Variants in ATOX1 observed in about 807,000 individuals in gnomAD.
ATOX1 encodes the protein copper transport protein ATOX1.
In ATOX1, 4 loss-of-function variants were observed where a neutral mutation model predicts 7.3. The ratio of observed to expected loss-of-function variants is 0.55; its 90% CI spans 0.27 to 1.25. The LOEUF is 1.25. Among genes scored for constraint, ATOX1 ranks in the 50% most tolerant of loss-of-function variants. The pLI is 0.12. For synonymous variants in ATOX1, 25 were observed against 28.7 expected (o/e 0.87, Z 0.41); for missense variants, 68 against 81.6 (o/e 0.83, Z 0.64).
At chr5:151,758,488 A>G in intron 1 of ATOX1, 58 bp downstream of exon 1, 1 of 1,472,590 alleles carries the variant, frequency 6.8e-7, no homozygotes, top group Non-Finnish European at 9.0e-7. Context: ...GCGGCTGTGC[A>G]GCCGAGAAGC....
chr5:151,757,867 C>G lies in ATOX1; in HGVS notation c.6+679G>C, dbSNP rs1040227799. 1.2e-4 allele frequency among the ~76,000 whole-genome samples: 18 copies of G among 152,152 alleles called. 1 individual carries two copies. Among genetic ancestry groups the G allele is most frequent in the Admixed American group, 9.8e-4 (15 of 15,276 alleles). Reference sequence around the variant, plus strand: ...CAATTCTTTATATAAAAAACGAGGCCACGAGCAACAATATATGTGATAAGA... The same window carrying G: ...CAATTCTTTATATAAAAAACGAGGCGACGAGCAACAATATATGTGATAAGA... On this transcript the variant is annotated intron_variant, in intron 1 of 3. Coordinates refer to ENST00000313115, the MANE Select transcript of ATOX1 (RefSeq NM_004045.4).
chr5:151,752,889 T>C (rs574761390), intron 1 of ATOX1, among the ~76,000 whole-genome samples: 1 of 152,194 alleles, frequency 6.6e-6, no homozygotes, highest in African/African-American at 2.4e-5. Context: ...GCCTCAATGA[T>C]CTCTGCCTCT....
At chr5:151,747,983 T>G (rs1001523883) in intron 2 of ATOX1, among the ~76,000 whole-genome samples, 1 of 152,232 alleles carries the variant, frequency 6.6e-6, no homozygotes. Context: ...AGGATGCTTC[T>G]AATTTTTCAC....
rs745969332 is a variant in ATOX1 at position 151,751,133 on chromosome 5, G to A, written c.82+571C>T. Reference sequence around the variant, plus strand: ...GAGCCAGGCGTGGTGGTGCATGCCTGTAATCCCAGCTACTTGGAAGGCTGA... The same window carrying A: ...GAGCCAGGCGTGGTGGTGCATGCCTATAATCCCAGCTACTTGGAAGGCTGA... On this transcript the variant is annotated intron_variant, in intron 2 of 3. Transcript: ENST00000313115. Among the ~76,000 whole-genome samples, 4 of 152,018 alleles carry A rather than the reference G, an allele frequency of 2.6e-5. No homozygotes were observed. In the East Asian group the frequency reaches 5.9e-4, roughly 22 times the overall value.
intron 2 of ATOX1, among the ~76,000 whole-genome samples, chr5:151,747,640 G>A (rs891325943): frequency 4.6e-5 from 7 of 151,484 alleles, no homozygotes; most frequent in Non-Finnish European, 7.4e-5. Context: ...AGGCTGGAGT[G>A]CAGTGGCACA....
intron 1 of ATOX1, among the ~76,000 whole-genome samples, chr5:151,757,697 A>G (rs978874314): frequency 6.6e-6 from 1 of 152,194 alleles, no homozygotes; most frequent in African/African-American, 2.4e-5. Flanking sequence ...AGCCGGTGTG[A>G]CTGCTTTTGC....
chr5:151,754,851 G>A (rs1761993234), intron 1 of ATOX1, among the ~76,000 whole-genome samples: 1 of 151,772 alleles, frequency 6.6e-6, no homozygotes, highest in Non-Finnish European at 1.5e-5. Flanking sequence ...GGTAGTGGTG[G>A]CATGCGCCTG....
At chr5:151,743,955 T>G (rs920340954) in intron 3 of ATOX1, 1 of 152,222 alleles carries the variant, frequency 6.6e-6, no homozygotes, top group Admixed American at 6.5e-5. Context: ...AAAAGTACCA[T>G]GAAAATTATT....
intron 2 of ATOX1, among the ~76,000 whole-genome samples, chr5:151,748,805 G>A (rs968511230): frequency 6.6e-6 from 1 of 152,124 alleles, no homozygotes; most frequent in Non-Finnish European, 1.5e-5. Context: ...AGGTTGCAGT[G>A]AGCCAAGATC....
Position 151,758,587 on chromosome 5 carries a change from G to T in ATOX1, c.-36C>A. On this transcript the variant is annotated 5_prime_UTR_variant, in exon 1 of 4. Coordinates refer to ENST00000313115, the MANE Select transcript of ATOX1 (RefSeq NM_004045.4). ...GCGGCGGTGTGGCGGCGGTGTGGCG[G>T]CGGTGTCAGCAGCGCCTCTCTGGAT... is the stretch of plus-strand genomic sequence containing the variant. 1 of 1,412,278 alleles carries T rather than the reference G, an allele frequency of 7.1e-7. No individual in the cohort carries two copies. Among genetic ancestry groups the T allele is most frequent in the Non-Finnish European group, 9.3e-7 (1 of 1,077,100 alleles). 87.5% of individuals were successfully genotyped at this position (1,412,278 alleles called of 1,614,324 possible).
chr5:151,754,856 C>T (rs866464697), intron 1 of ATOX1, among the ~76,000 whole-genome samples: 1 of 151,312 alleles, frequency 6.6e-6, no homozygotes, highest in Admixed American at 6.6e-5. Flanking sequence ...TGGTGGCATG[C>T]GCCTGTAGTC....
chr5:151,749,243 T>TG (rs1021858268), intron 2 of ATOX1, among the ~76,000 whole-genome samples: 8 of 152,256 alleles, frequency 5.3e-5, no homozygotes, highest in Non-Finnish European at 1.2e-4. Flanking sequence ...CCCAGCACTT[T>TG]GGGGGACCAA....
chr5:151,751,330 A>G lies in ATOX1; in HGVS notation c.82+374T>C, dbSNP rs148105035. Among the ~76,000 whole-genome samples the G allele has an allele frequency of 6.6e-4, 101 of 151,886 alleles. 1 individual carries two copies. The highest frequency in any genetic ancestry group is 3.4e-3 in the Middle Eastern group (1 of 294). ...TGTCATGCAGTACACACTGGAGATG[A>G]CCAACATATGAACTAGTACTGCCAT... On this transcript the variant is annotated intron_variant, in intron 2 of 3. Coordinates refer to ENST00000313115, the MANE Select transcript of ATOX1 (RefSeq NM_004045.4).
rs140892891 is a variant in ATOX1 at position 151,754,389 on chromosome 5, A to G, written c.7-2610T>C. On this transcript the variant is annotated intron_variant, in intron 1 of 3. Coordinates refer to ENST00000313115, the MANE Select transcript of ATOX1 (RefSeq NM_004045.4). ...TTTGGGAGGCTGAGGCAGGTAGATCACCTGAGGTCACAAGTTTGAGACCAG... is the reference window on the plus strand; with the variant it reads ...TTTGGGAGGCTGAGGCAGGTAGATCGCCTGAGGTCACAAGTTTGAGACCAG... Among the ~76,000 whole-genome samples the G allele has an allele frequency of 5.7e-3, 864 of 152,246 alleles. 9 individuals carry two copies. The highest frequency in any genetic ancestry group is 0.02 in the African/African-American group (820 of 41,536).
chr5:151,744,670 G>C (rs749150140), intron 3 of ATOX1: 1 of 152,058 alleles, frequency 6.6e-6, no homozygotes, highest in East Asian at 1.9e-4. Context: ...TTGTTACAGA[G>C]CGTTTTTATA....
chr5:151,756,867 T>G (rs1762024897), intron 1 of ATOX1, among the ~76,000 whole-genome samples: 1 of 152,208 alleles, frequency 6.6e-6, no homozygotes, highest in Admixed American at 6.5e-5. Flanking sequence ...TGTGACATAT[T>G]TTACTGGCAT....
At chr5:151,745,227 G>C (rs972851182) in intron 3 of ATOX1, 1 of 152,134 alleles carries the variant, frequency 6.6e-6, no homozygotes, top group Non-Finnish European at 1.5e-5. Context: ...GCTAGCCTCT[G>C]TCCAGGGGGT....
chr5:151,755,493 C>A lies in ATOX1; in HGVS notation c.6+3053G>T, dbSNP rs183123180. Among the ~76,000 whole-genome samples the A allele has an allele frequency of 8.5e-5, 13 of 152,278 alleles. No homozygotes were observed. The East Asian group carries it at 2.1e-3, about 25-fold the overall frequency. The stretch of plus-strand genomic sequence containing the variant: ...CTGGAAAAGCAAAGTACACCGCCAG[C>A]CCTCATAACCCTGACTCTCAGCAGA... On this transcript the variant is annotated intron_variant, in intron 1 of 3. Transcript: ENST00000313115.
At chr5:151,744,211 A>C (rs1055714291) in intron 3 of ATOX1, 5 of 152,146 alleles carry the variant, frequency 3.3e-5, no homozygotes, top group Admixed American at 2.0e-4. Flanking sequence ...ATGATGAAAA[A>C]ATTTTGAAAC....
Sources: allele counts gnomAD v4.1 joint callset (sites outside exome capture counted in the v4.1 genomes callset), GRCh38; gene constraint gnomAD v4.1.1; transcripts MANE v1.5; gene names NCBI Gene and HGNC (gene_info 2026-07-23, HGNC 2026-07-21).